Variants in CEP85L observed in about 807,000 individuals in gnomAD.
CEP85L encodes the protein centrosomal protein of 85 kDa-like.
CEP85L carries 60 observed loss-of-function variants against 100.3 expected under a neutral mutation model. The observed-to-expected ratio is 0.60, with a 90% confidence interval of 0.49 to 0.74. CEP85L has a LOEUF of 0.74. Among genes scored for constraint, CEP85L ranks in the 30% least tolerant of loss-of-function variants. The pLI is 0.00. For missense variants in CEP85L, 973 were observed against 936.2 expected (o/e 1.04, Z -0.51); for synonymous variants, 319 against 322.7 (o/e 0.99, Z 0.12).
chr6:118,680,119 C>T (rs1776602005), intron 1 of CEP85L, among the ~76,000 whole-genome samples: 1 of 151,570 alleles, frequency 6.6e-6, no homozygotes, highest in African/African-American at 2.4e-5. Context: ...GACCCCCACC[C>T]CAGCTCCAAA....
intron 1 of CEP85L, among the ~76,000 whole-genome samples, chr6:118,667,450 T>A (rs1195114797): frequency 1.3e-5 from 2 of 152,232 alleles, no homozygotes; most frequent in African/African-American, 4.8e-5. Flanking sequence ...GGCATCTTAA[T>A]GTAAAGCTGG....
At chr6:118,501,847 C>G in intron 5 of CEP85L, 1 of 1,296,974 alleles carries the variant, frequency 7.7e-7, no homozygotes, top group Non-Finnish European at 1.1e-6. Context: ...CTGGAGATGC[C>G]GAAGCACAAG....
At chr6:118,702,382 T>A (rs1339403846) in intron 1 of CEP85L, among the ~76,000 whole-genome samples, 2 of 152,024 alleles carry the variant, frequency 1.3e-5, no homozygotes, top group Non-Finnish European at 2.9e-5. Context: ...CGTGGTGATA[T>A]GCACCTGTGG....
At chr6:118,542,915 A>AAAC (rs1255431136) in intron 3 of CEP85L, among the ~76,000 whole-genome samples, 10 of 150,542 alleles carry the variant, frequency 6.6e-5, no homozygotes, top group Non-Finnish European at 1.2e-4. Context: ...AAAAAAAAAA[A>AAAC]AAAAAAAACA....
intron 6 of CEP85L, chr6:118,491,460 T>C: frequency 2.4e-6 from 3 of 1,258,814 alleles, no homozygotes; most frequent in Non-Finnish European, 3.0e-6. Flanking sequence ...TTTTTAAAGA[T>C]TTTACTATTT....
intron 1 of CEP85L, among the ~76,000 whole-genome samples, chr6:118,695,492 T>C (rs1274599226): frequency 6.6e-6 from 1 of 152,220 alleles, no homozygotes; most frequent in African/African-American, 2.4e-5. Context: ...TCAGTTGCTG[T>C]GCCCACTCCA....
intron 2 of CEP85L, among the ~76,000 whole-genome samples, chr6:118,618,609 T>C (rs1171986421): frequency 6.6e-6 from 1 of 152,084 alleles, no homozygotes; most frequent in Non-Finnish European, 1.5e-5. Context: ...CATTCAATCA[T>C]GGATATTGGA....
chr6:118,502,227 T>G (rs185846165), intron 5 of CEP85L: 12 of 663,722 alleles, frequency 1.8e-5, no homozygotes, highest in Non-Finnish European at 2.9e-5. Context: ...GGAGTTCTTA[T>G]GTACCGCATT....
intron 2 of CEP85L, among the ~76,000 whole-genome samples, chr6:118,593,858 CCA>C (rs1781323475): frequency 6.6e-6 from 1 of 152,090 alleles, no homozygotes; most frequent in Non-Finnish European, 1.5e-5. Flanking sequence ...AACACATCAT[CCA>C]CAATGTTCTT....
At chr6:118,567,243 GTGTGTGTATATATA>G (rs1281471478) in intron 2 of CEP85L, among the ~76,000 whole-genome samples, 47 of 31,348 alleles carry the variant, frequency 1.5e-3, no homozygotes, top group African/African-American at 5.1e-3. Flanking sequence ...GTGTGTGTGT[GTGTGTGTATATATA>G]TATATATATA....
chr6:118,481,950 T>C lies in CEP85L; in HGVS notation c.1591-17A>G, dbSNP rs1243639117. 6.8e-7 allele frequency: 1 copy of C among 1,460,732 alleles called. No individual in the cohort carries two copies. The highest frequency in any genetic ancestry group is 9.2e-7 in the Non-Finnish European group (1 of 1,088,694). 90.5% of individuals were successfully genotyped at this position (1,460,732 alleles called of 1,614,324 possible). On this transcript the variant is annotated splice_polypyrimidine_tract_variant and intron_variant, in intron 7 of 12. Transcript: ENST00000368491. ...AATCTGCAGCTAAGGAGAAATGTTTTACAGTTCATTACACATGAAATATTA... is the reference window on the plus strand; with the variant it reads ...AATCTGCAGCTAAGGAGAAATGTTTCACAGTTCATTACACATGAAATATTA...
chr6:118,614,865 C>CAGACAGACAGACAGATAGAT lies in CEP85L; in HGVS notation c.232+17587_232+17588insATCTATCTGTCTGTCTGTCT, dbSNP rs781072805. ...ATTCATTCATAGACAGACAGACAGA[C>CAGACAGACAGACAGATAGAT]AGATAGATAGATAGATAGATAGATA... On this transcript the variant is annotated intron_variant, in intron 2 of 12. Transcript: ENST00000368491. 2.3e-4 allele frequency among the ~76,000 whole-genome samples: 34 copies of CAGACAGACAGACAGATAGAT among 149,974 alleles called. 1 individual carries two copies. Among genetic ancestry groups the CAGACAGACAGACAGATAGAT allele is most frequent in the Non-Finnish European group, 4.3e-4 (29 of 67,612 alleles).
chr6:118,518,822 T>C (rs1045706612), intron 4 of CEP85L, among the ~76,000 whole-genome samples: 4 of 152,248 alleles, frequency 2.6e-5, no homozygotes, highest in Non-Finnish European at 5.9e-5. Flanking sequence ...GTTGCGATGT[T>C]AGAGTGTCAA....
At chr6:118,570,744 ATCAT>A (rs1779840004) in intron 2 of CEP85L, among the ~76,000 whole-genome samples, 2 of 152,176 alleles carry the variant, frequency 1.3e-5, no homozygotes, top group African/African-American at 2.4e-5. Flanking sequence ...TTACTATAAC[ATCAT>A]TCCATATGGG....
intron 2 of CEP85L, among the ~76,000 whole-genome samples, chr6:118,596,951 AGGGACCCAG>A (rs1781487003): frequency 6.6e-6 from 1 of 152,120 alleles, no homozygotes; most frequent in Non-Finnish European, 1.5e-5. Flanking sequence ...ATGTCGTGGG[AGGGACCCAG>A]TGGGAGGTAA....
intron 1 of CEP85L, among the ~76,000 whole-genome samples, chr6:118,686,264 T>G (rs62422258): frequency 0.22 from 33,829 of 152,048 alleles, 4,831 homozygotes; most frequent in Non-Finnish European, 0.32. Context: ...CCTGTTTTAA[T>G]TGTACAGTTC....
Position 118,565,513 on chromosome 6 carries a change from A to G in CEP85L, c.1020+16T>C. The G allele has an allele frequency of 6.2e-7, 1 of 1,612,764 alleles. No homozygotes were observed. The highest frequency in any genetic ancestry group is 8.5e-7 in the Non-Finnish European group (1 of 1,178,956). ...CATCCACTGGAGGGAAGCAAACACTAGATTTTGCACCTTACCTGCATTGGT... is the reference window on the plus strand; with the variant it reads ...CATCCACTGGAGGGAAGCAAACACTGGATTTTGCACCTTACCTGCATTGGT... On this transcript the variant is annotated intron_variant, in intron 3 of 12. Coordinates refer to ENST00000368491, the MANE Select transcript of CEP85L (RefSeq NM_001042475.3).
intron 5 of CEP85L, among the ~76,000 whole-genome samples, chr6:118,500,594 T>C (rs779351328): frequency 3.9e-5 from 6 of 152,226 alleles, no homozygotes; most frequent in Middle Eastern, 3.2e-3. Flanking sequence ...TCAAGGACCC[T>C]GTCCACTAGA....
At chr6:118,568,967 T>C (rs1028108280) in intron 2 of CEP85L, among the ~76,000 whole-genome samples, 3 of 152,020 alleles carry the variant, frequency 2.0e-5, no homozygotes, top group African/African-American at 7.2e-5. Context: ...AAATAAAAAA[T>C]TAGTCTTGTA....
Sources: allele counts gnomAD v4.1 joint callset (sites outside exome capture counted in the v4.1 genomes callset), GRCh38; gene constraint gnomAD v4.1.1; transcripts MANE v1.5; gene names NCBI Gene and HGNC (gene_info 2026-07-23, HGNC 2026-07-21).